PCID2: variants seen among roughly 807,000 people sequenced by gnomAD.
PCID2 encodes the protein PCI domain containing 2.
In PCID2, 41 loss-of-function variants were observed where a neutral mutation model predicts 61.3. That is an observed-to-expected ratio of 0.67 (90% CI 0.52 to 0.87). PCID2 has a LOEUF of 0.87. PCID2 is among the 40% of genes least tolerant of loss of function. The pLI is 0.00. For missense variants in PCID2, 392 were observed against 493.4 expected, an observed-to-expected ratio of 0.79 and a Z score of 1.95; for synonymous variants, 187 against 177.8, an observed-to-expected ratio of 1.05 and a Z score of -0.41.
At chr13:113,169,554 G>A in the PCID2 span, among the ~76,000 whole-genome samples, 1 of 152,158 alleles carries the variant, frequency 6.6e-6, no homozygotes, top group South Asian at 2.1e-4. Flanking sequence ...TATTGTCCTA[G>A]GACACAGTTA....
chr13:113,189,482 GT>G (rs1257377300), intron 7 of PCID2, among the ~76,000 whole-genome samples: 1 of 151,946 alleles, frequency 6.6e-6, no homozygotes, highest in African/African-American at 2.4e-5. Flanking sequence ...GGGAACAATA[GT>G]TTTTTGTTTA....
intron 8 of PCID2, among the ~76,000 whole-genome samples, chr13:113,184,776 G>A (rs2037951985): frequency 6.6e-6 from 1 of 150,874 alleles, no homozygotes; most frequent in Non-Finnish European, 1.5e-5. Context: ...GTTCCAGGGG[G>A]CACAGCCCTG....
chr13:113,178,332 A>G (rs1207267739), intron 13 of PCID2, 45 bp from the exon 14 acceptor site: 1 of 1,431,682 alleles, frequency 7.0e-7, no homozygotes. Context: ...TTTGGATCTG[A>G]GTCATGTCAA....
chr13:113,202,457 T>C (rs1019525590), intron 1 of PCID2, among the ~76,000 whole-genome samples: 10 of 152,246 alleles, frequency 6.6e-5, no homozygotes, highest in African/African-American at 2.4e-4. Context: ...TCACAAAATA[T>C]TGGACACAAA....
At chr13:113,183,675 A>G in intron 9 of PCID2, 1 of 675,428 alleles carries the variant, frequency 1.5e-6, no homozygotes, top group Non-Finnish European at 1.8e-6. Flanking sequence ...ACAGCTGAAG[A>G]AGAGTTTAAA....
intron 7 of PCID2, chr13:113,186,878 GC>G (rs2138741496): frequency 6.6e-6 from 1 of 152,266 alleles, no homozygotes; most frequent in South Asian, 2.1e-4. Flanking sequence ...ATACAAAAGT[GC>G]CCAGTACAGA....
chr13:113,198,891 T>A (rs2039217797), intron 2 of PCID2, among the ~76,000 whole-genome samples: 2 of 152,250 alleles, frequency 1.3e-5, no homozygotes, highest in African/African-American at 4.8e-5. Flanking sequence ...ACTTGTTAAG[T>A]AACTGTCATA....
chr13:113,165,145 T>A, the PCID2 span: 2 of 1,598,146 alleles, frequency 1.3e-6, no homozygotes, highest in Non-Finnish European at 8.5e-7. Context: ...TCCGCGTGCT[T>A]CAATTTATTG....
At chr13:113,198,083 C>G in intron 3 of PCID2, 108 bp downstream of exon 3, 2 of 757,986 alleles carry the variant, frequency 2.6e-6, no homozygotes, top group East Asian at 2.6e-5. Context: ...CCCACTTTTT[C>G]AAAGTCAGTT....
intron 1 of PCID2, chr13:113,207,927 C>A: frequency 9.6e-7 from 1 of 1,044,468 alleles, no homozygotes; most frequent in South Asian, 1.3e-5. Context: ...TCCCTGTTAC[C>A]ACAGTGCTGG....
At position 113,178,411 on chromosome 13, in the gene PCID2, G is replaced by A. The variant is rs145215031; in HGVS notation, c.1111-124C>T. 1.9e-4 allele frequency: 123 copies of A among 645,564 alleles called. 1 individual carries two copies. The East Asian group carries it at 3.2e-3, about 17-fold the overall frequency. 40.0% of individuals were successfully genotyped at this position (645,564 alleles called of 1,614,324 possible). On this transcript the variant is annotated intron_variant, in intron 13 of 13. Coordinates refer to ENST00000337344, the MANE Select transcript of PCID2 (RefSeq NM_001127202.4). ...CAAGAGCGGCACAGTTCAGTTCAGC[G>A]GGAAGACAATGAGTAAAAATAAATA... is the stretch of plus-strand genomic sequence containing the variant.
intron 1 of PCID2, among the ~76,000 whole-genome samples, chr13:113,204,276 G>A (rs2039639951): frequency 1.3e-5 from 2 of 152,244 alleles, no homozygotes; most frequent in Non-Finnish European, 2.9e-5. Flanking sequence ...ATGTTGCCAA[G>A]GCCTCCAGAG....
At chr13:113,180,074 G>T (rs1222187016) in intron 11 of PCID2, 32 bp from the exon 12 acceptor site, 2 of 1,613,490 alleles carry the variant, frequency 1.2e-6, no homozygotes. Context: ...CAGAAGGAGG[G>T]TGAGTTTCTC....
chr13:113,193,697 T>C (rs116531783), intron 6 of PCID2, among the ~76,000 whole-genome samples: 2,600 of 152,314 alleles, frequency 0.017, 72 homozygotes, highest in African/African-American at 0.058. Context: ...AATAAAAGCT[T>C]TCTGAGGTCT....
intron 1 of PCID2, among the ~76,000 whole-genome samples, chr13:113,207,233 T>C (rs1364122905): frequency 6.6e-6 from 1 of 152,254 alleles, no homozygotes; most frequent in African/African-American, 2.4e-5. Flanking sequence ...TATGTACTTT[T>C]AAGCTCATCA....
intron 8 of PCID2, 93 bp downstream of exon 8, chr13:113,185,392 C>T (rs922984708): frequency 4.6e-5 from 40 of 877,128 alleles, no homozygotes; most frequent in Non-Finnish European, 6.5e-5. Flanking sequence ...TCACAAGCAA[C>T]GCCAGGGAGG....
intron 9 of PCID2, among the ~76,000 whole-genome samples, chr13:113,182,124 C>T (rs941476148): frequency 6.6e-6 from 1 of 152,182 alleles, no homozygotes; most frequent in Non-Finnish European, 1.5e-5. Context: ...CAGAGATGCT[C>T]AGAGCTGCAG....
At chr13:113,174,492 T>C (rs958330734), downstream of PCID2, among the ~76,000 whole-genome samples, 1 of 152,172 alleles carries the variant, frequency 6.6e-6, no homozygotes, top group African/African-American at 2.4e-5. Flanking sequence ...CTAGCTATGA[T>C]GACTGTTTTT....
At chr13:113,185,651 T>C (rs2038043890) in intron 7 of PCID2, 91 bp from the exon 8 acceptor site, 1 of 789,362 alleles carries the variant, frequency 1.3e-6, no homozygotes, top group African/African-American at 1.8e-5. Context: ...ATTAATATCT[T>C]GAGGTAAGTC....
Sources: gnomAD v4.1 joint callset for allele counts (sites outside exome capture counted in the v4.1 genomes callset) on GRCh38, gnomAD v4.1.1 for gene constraint, MANE v1.5 for transcripts, NCBI Gene and HGNC (gene_info 2026-07-23, HGNC 2026-07-21) for gene names.